Variants in BBS9 observed in about 807,000 individuals in gnomAD.
The protein encoded by BBS9 is Bardet-Biedl syndrome 9, also known as protein PTHB1.
A neutral mutation model predicts 117.7 loss-of-function variants in BBS9; 89 were observed. That is an observed-to-expected ratio of 0.76 (90% CI 0.64 to 0.90). The LOEUF (loss-of-function observed/expected upper bound fraction) is 0.90. BBS9 is among the 40% of genes least tolerant of loss of function. BBS9 has a pLI of 0.00. For synonymous variants in BBS9, 379 were observed against 370.9 expected (o/e 1.02, Z -0.25); for missense variants, 982 against 1,042.2 (o/e 0.94, Z 0.80).
intron 21 of BBS9, among the ~76,000 whole-genome samples, chr7:33,619,263 T>C (rs1865291096): frequency 6.6e-6 from 1 of 152,116 alleles, no homozygotes; most frequent in African/African-American, 2.4e-5. Context: ...CAAAGATATA[T>C]ATAATTATAT....
intron 19 of BBS9, among the ~76,000 whole-genome samples, chr7:33,477,410 T>G (rs955069290): frequency 1.3e-5 from 2 of 152,178 alleles, no homozygotes; most frequent in African/African-American, 4.8e-5. Flanking sequence ...CCCCAAACAC[T>G]TCTTTTTTCC....
At chr7:33,359,941 C>A (rs943233092) in intron 16 of BBS9, among the ~76,000 whole-genome samples, 1 of 151,926 alleles carries the variant, frequency 6.6e-6, no homozygotes, top group African/African-American at 2.4e-5. Context: ...TCCAGCAATA[C>A]CTTTTTCTGT....
At chr7:33,176,131 C>A (rs1797297726) in intron 4 of BBS9, among the ~76,000 whole-genome samples, 1 of 152,048 alleles carries the variant, frequency 6.6e-6, no homozygotes, top group Non-Finnish European at 1.5e-5. Context: ...TAAATGACGA[C>A]CTGTTTTTAG....
At chr7:33,373,446 G>T (rs1305628555) in intron 17 of BBS9, among the ~76,000 whole-genome samples, 1 of 152,060 alleles carries the variant, frequency 6.6e-6, no homozygotes, top group Non-Finnish European at 1.5e-5. Context: ...TGCAAATACA[G>T]GTCAAGCATC....
At chr7:33,456,760 A>G (rs1347131774) in intron 19 of BBS9, among the ~76,000 whole-genome samples, 1 of 152,180 alleles carries the variant, frequency 6.6e-6, no homozygotes, top group Non-Finnish European at 1.5e-5. Context: ...TACATCTCTT[A>G]CAGAGTGTCA....
chr7:33,309,035 C>T (rs1288900686), intron 9 of BBS9, among the ~76,000 whole-genome samples: 1 of 152,084 alleles, frequency 6.6e-6, no homozygotes, highest in African/African-American at 2.4e-5. Context: ...AAATTTTGAG[C>T]CAATCTGTCA....
intron 21 of BBS9, among the ~76,000 whole-genome samples, chr7:33,597,048 ATC>A (rs148549968): frequency 1.4e-3 from 193 of 139,196 alleles, no homozygotes; most frequent in Middle Eastern, 3.6e-3. Flanking sequence ...TATATGAATC[ATC>A]TCTCTCTCTC....
At chr7:33,567,615 A>G (rs555017062) in intron 21 of BBS9, among the ~76,000 whole-genome samples, 1 of 152,020 alleles carries the variant, frequency 6.6e-6, no homozygotes, top group East Asian at 1.9e-4. Flanking sequence ...GGTGGTTTTA[A>G]TTTCTGTTAT....
intron 20 of BBS9, among the ~76,000 whole-genome samples, chr7:33,528,216 C>T (rs958168681): frequency 2.0e-5 from 3 of 152,084 alleles, no homozygotes; most frequent in East Asian, 1.9e-4. Context: ...AAGGTTGTTT[C>T]GCCTTCATAT....
At chr7:33,555,524 C>A (rs1194457377) in intron 21 of BBS9, among the ~76,000 whole-genome samples, 2 of 152,102 alleles carry the variant, frequency 1.3e-5, no homozygotes, top group Non-Finnish European at 2.9e-5. Context: ...ACTTTGGAAG[C>A]AGCAAGCGTG....
intron 9 of BBS9, among the ~76,000 whole-genome samples, chr7:33,323,908 G>A (rs898011874): frequency 7.1e-6 from 1 of 140,586 alleles, no homozygotes; most frequent in Admixed American, 7.6e-5. Context: ...CATGATCTCA[G>A]CTCACTGCAA....
At chr7:33,137,938 G>T (rs1302615848) in intron 1 of BBS9, among the ~76,000 whole-genome samples, 1 of 152,152 alleles carries the variant, frequency 6.6e-6, no homozygotes, top group African/African-American at 2.4e-5. Context: ...AAATATTGTT[G>T]TTCTGAAATA....
At chr7:33,155,584 G>T in intron 3 of BBS9, 54 bp from the exon 4 acceptor site, 2 of 1,182,418 alleles carry the variant, frequency 1.7e-6, no homozygotes, top group South Asian at 1.3e-5. Flanking sequence ...ACAACTTTTT[G>T]GTTACGTCTA....
At chr7:33,343,699 A>G (rs994381765) in intron 11 of BBS9, among the ~76,000 whole-genome samples, 3 of 151,882 alleles carry the variant, frequency 2.0e-5, no homozygotes, top group African/African-American at 7.3e-5. Context: ...GGGTTTCATC[A>G]TGTTGGCCAG....
chr7:33,417,183 A>G (rs1306990437), intron 19 of BBS9, among the ~76,000 whole-genome samples: 2 of 152,202 alleles, frequency 1.3e-5, no homozygotes, highest in Non-Finnish European at 2.9e-5. Flanking sequence ...GCCCTTATCA[A>G]TCTATTTTTC....
At chr7:33,386,044 T>C (rs1443812134) in intron 18 of BBS9, among the ~76,000 whole-genome samples, 2 of 152,042 alleles carry the variant, frequency 1.3e-5, no homozygotes, top group Non-Finnish European at 2.9e-5. Context: ...GACAAGTTAA[T>C]GGGTGCAGCG....
intron 9 of BBS9, among the ~76,000 whole-genome samples, chr7:33,293,247 A>C (rs147643075): frequency 3.0e-4 from 45 of 152,092 alleles, no homozygotes; most frequent in African/African-American, 1.0e-3. Context: ...TTTCCACATA[A>C]AATATGTAAT....
intron 18 of BBS9, among the ~76,000 whole-genome samples, chr7:33,384,702 G>T (rs1825704466): frequency 7.0e-6 from 1 of 143,530 alleles, no homozygotes; most frequent in Non-Finnish European, 1.5e-5. Context: ...ATGTGTCTGT[G>T]TGTGTGTGTG....
At chr7:33,264,209 T>C (rs1798419353) in intron 6 of BBS9, 81 bp from the exon 7 acceptor site, 12 of 698,398 alleles carry the variant, frequency 1.7e-5, no homozygotes, top group Non-Finnish European at 2.4e-5. Flanking sequence ...TTATAGATTA[T>C]TGTGTACTTT....
Sources: allele counts gnomAD v4.1 joint callset (sites outside exome capture counted in the v4.1 genomes callset), GRCh38; gene constraint gnomAD v4.1.1; transcripts MANE v1.5; gene names NCBI Gene and HGNC (gene_info 2026-07-23, HGNC 2026-07-21).